CMIP: variants seen among roughly 807,000 people sequenced by gnomAD.
CMIP encodes c-Maf inducing protein, also known as C-Maf-inducing protein.
A neutral mutation model predicts 97.3 loss-of-function variants in CMIP; 13 were observed. That is an observed-to-expected ratio of 0.13 (90% CI 0.09 to 0.21). The LOEUF (loss-of-function observed/expected upper bound fraction) is 0.21, where lower values mean the gene tolerates loss of function less well. Among genes scored for constraint, CMIP ranks in the 10% least tolerant of loss-of-function variants. The pLI is 1.00. For synonymous variants in CMIP, 538 were observed against 436.3 expected (o/e 1.23, Z -2.91); for missense variants, 847 against 1,024.9 (o/e 0.83, Z 2.37).
At chr16:81,451,363 G>A (rs1243134953) in intron 1 of CMIP, among the ~76,000 whole-genome samples, 1 of 152,194 alleles carries the variant, frequency 6.6e-6, no homozygotes, top group Non-Finnish European at 1.5e-5. Context: ...ATGGTTGTAA[G>A]TTCCCCCCAG....
At chr16:81,547,683 G>A (rs1030673996) in intron 1 of CMIP, among the ~76,000 whole-genome samples, 5 of 152,160 alleles carry the variant, frequency 3.3e-5, no homozygotes, top group African/African-American at 4.8e-5. Flanking sequence ...TTGAGTGTCC[G>A]TTAGTTCAGT....
At chr16:81,622,555 T>C (rs1044220996) in intron 3 of CMIP, among the ~76,000 whole-genome samples, 8 of 152,088 alleles carry the variant, frequency 5.3e-5, no homozygotes, top group Non-Finnish European at 8.8e-5. Context: ...GTTTTACTTG[T>C]GGGGCCTCAG....
At chr16:81,656,892 G>C (rs1476714547) in intron 4 of CMIP, among the ~76,000 whole-genome samples, 1 of 152,126 alleles carries the variant, frequency 6.6e-6, no homozygotes, top group Non-Finnish European at 1.5e-5. Flanking sequence ...AAAGTGCTGG[G>C]ATTACAGGCA....
intron 1 of CMIP, among the ~76,000 whole-genome samples, chr16:81,466,749 G>A (rs1202536302): frequency 6.6e-6 from 1 of 152,164 alleles, no homozygotes; most frequent in African/African-American, 2.4e-5. Flanking sequence ...TTAGCACAGC[G>A]CCGTTTCCCT....
chr16:81,589,336 A>T (rs2091431242), intron 1 of CMIP, among the ~76,000 whole-genome samples: 1 of 152,156 alleles, frequency 6.6e-6, no homozygotes, highest in South Asian at 2.1e-4. Flanking sequence ...GGGTCAAGTG[A>T]TCCATCCTTC....
chr16:81,684,862 C>G (rs1019787027), intron 10 of CMIP, among the ~76,000 whole-genome samples: 2 of 152,226 alleles, frequency 1.3e-5, no homozygotes, highest in Non-Finnish European at 2.9e-5. Flanking sequence ...CACACCCTGC[C>G]TGGTGCCTGT....
chr16:81,686,158 C>T (rs1370699511), intron 10 of CMIP, among the ~76,000 whole-genome samples: 4 of 152,216 alleles, frequency 2.6e-5, no homozygotes, highest in East Asian at 3.8e-4. Flanking sequence ...ACGCAGCAGG[C>T]GCTGCAGACG....
intron 1 of CMIP, among the ~76,000 whole-genome samples, chr16:81,579,323 C>A (rs1242962897): frequency 6.6e-6 from 1 of 152,160 alleles, no homozygotes; most frequent in Admixed American, 6.5e-5. Flanking sequence ...TCACCTTTGT[C>A]CCTCTGACTG....
chr16:81,625,718 G>A (rs1037164492), intron 3 of CMIP, among the ~76,000 whole-genome samples: 6 of 152,212 alleles, frequency 3.9e-5, no homozygotes, highest in African/African-American at 1.4e-4. Flanking sequence ...TGGGCTGTGA[G>A]GAGACACACA....
chr16:81,459,773 C>T (rs1418647472), intron 1 of CMIP, among the ~76,000 whole-genome samples: 1 of 152,206 alleles, frequency 6.6e-6, no homozygotes, highest in Non-Finnish European at 1.5e-5. Flanking sequence ...CTTTGATCCC[C>T]CACTCGGGTC....
At chr16:81,507,885 C>T (rs2089738996) in intron 1 of CMIP, among the ~76,000 whole-genome samples, 1 of 152,162 alleles carries the variant, frequency 6.6e-6, no homozygotes, top group African/African-American at 2.4e-5. Flanking sequence ...GGGTGTGAGT[C>T]CCATTGCTGC....
intron 2 of CMIP, among the ~76,000 whole-genome samples, chr16:81,615,387 G>GGT (rs1008395514): frequency 1.4e-5 from 2 of 144,504 alleles, no homozygotes; most frequent in African/African-American, 2.6e-5. Flanking sequence ...GTGTGTGTAT[G>GGT]GTGTGTGTGT....
At chr16:81,530,403 G>A (rs2090210036) in intron 1 of CMIP, among the ~76,000 whole-genome samples, 1 of 152,014 alleles carries the variant, frequency 6.6e-6, no homozygotes, top group Non-Finnish European at 1.5e-5. Context: ...TGCAAGGTGG[G>A]GTGTGTAGTG....
intron 2 of CMIP, chr16:81,610,656 A>C: frequency 2.5e-6 from 1 of 407,874 alleles, no homozygotes. Flanking sequence ...TCACCCCCAC[A>C]CTCTGCCCAC....
At chr16:81,478,912 C>G (rs1297837142) in intron 1 of CMIP, among the ~76,000 whole-genome samples, 1 of 152,176 alleles carries the variant, frequency 6.6e-6, no homozygotes, top group Non-Finnish European at 1.5e-5. Context: ...GCCAGCCCAG[C>G]CTCGTCTTGT....
At chr16:81,464,495 C>CTCATTCAT (rs10593332) in intron 1 of CMIP, 20 of 151,592 alleles carry the variant, frequency 1.3e-4, no homozygotes, top group East Asian at 3.9e-4. Flanking sequence ...GAGTGAAGGT[C>CTCATTCAT]TCATTCATTC....
intron 9 of CMIP, among the ~76,000 whole-genome samples, chr16:81,673,759 C>G (rs1597231055): frequency 6.6e-6 from 1 of 152,178 alleles, no homozygotes; most frequent in African/African-American, 2.4e-5. Flanking sequence ...GGGGAACTTT[C>G]TGCAGTGACC....
chr16:81,704,070 C>A lies in CMIP; in HGVS notation c.2076C>A (p.Asn692Lys). ...LIKLPSLKQL[N>K]LWSTQFGDAG... ...AACTGCCTTCGCTCAAGCAGCTGAA[C>A]CTGTGGTCCACTCAGGTACGTCCTC... The change falls in exon 18 of 21, where the codon AAC becomes AAA. Residue 692 changes from asparagine to lysine, a missense_variant. Around this residue, in one of 4 missense-constraint regions of CMIP, gnomAD observed 266 missense variants for 384.2 expected, o/e 0.69. Transcript: ENST00000537098. The A allele has an allele frequency of 1.2e-6, 2 of 1,605,032 alleles. No individual in the cohort carries two copies. The highest frequency in any genetic ancestry group is 1.7e-6 in the Non-Finnish European group (2 of 1,176,562).
rs1905748619 is a variant in CMIP at position 81,445,184 on chromosome 16, C to T, written c.-58C>T. ...CCGCCGGATCCGGGGGCCCCGCCGC[C>T]CCAGCAGCCCAGGACAGCCCCCTCT... On this transcript the variant is annotated 5_prime_UTR_variant, in exon 1 of 21. Transcript: ENST00000537098. 1 of 1,168,208 alleles carries T rather than the reference C, an allele frequency of 8.6e-7. No homozygotes were observed. The highest frequency in any genetic ancestry group is 4.1e-5 in the Admixed American group (1 of 24,366). The allele number at this position is 1,168,208 out of a possible 1,614,324, so 72.4% of individuals were successfully genotyped here.
Sources: gnomAD v4.1 joint callset for allele counts (sites outside exome capture counted in the v4.1 genomes callset) on GRCh38, gnomAD v4.1.1 for gene constraint, gnomAD v4.1.1 regional missense constraint, MANE v1.5 for transcripts, NCBI Gene and HGNC (gene_info 2026-07-23, HGNC 2026-07-21) for gene names.